Variants in SAMD8 observed in about 807,000 individuals in gnomAD.
SAMD8 encodes sphingomyelin synthase-related protein 1.
Under a neutral mutation model 42.0 loss-of-function variants are expected in SAMD8, and 20 were observed. The observed-to-expected ratio is 0.48, with a 90% CI of 0.34 to 0.69. The LOEUF (loss-of-function observed/expected upper bound fraction) is 0.69. SAMD8 is among the 30% of genes least tolerant of loss of function. SAMD8 has a pLI of 0.01. For missense variants in SAMD8, 328 were observed against 511.6 expected (o/e 0.64, Z 3.46); for synonymous variants, 162 against 173.0 (o/e 0.94, Z 0.50).
At chr10:75,134,451 A>G (rs554035068) in intron 1 of SAMD8, among the ~76,000 whole-genome samples, 1 of 152,228 alleles carries the variant, frequency 6.6e-6, no homozygotes, top group South Asian at 2.1e-4. Context: ...CCTGGCCAAC[A>G]TGGTAAAACC....
intron 1 of SAMD8, among the ~76,000 whole-genome samples, chr10:75,136,223 T>G (rs1367250901): frequency 6.6e-6 from 1 of 152,210 alleles, no homozygotes; most frequent in Non-Finnish European, 1.5e-5. Context: ...AGCTTTTGTT[T>G]TGTGTAAGTT....
At chr10:75,162,033 G>A (rs893698580) in intron 2 of SAMD8, among the ~76,000 whole-genome samples, 11 of 151,892 alleles carry the variant, frequency 7.2e-5, no homozygotes, top group Admixed American at 6.6e-4. Flanking sequence ...GCAACACTCC[G>A]TCTCAAAAAA....
chr10:75,151,263 T>G (rs1264048953), intron 2 of SAMD8, among the ~76,000 whole-genome samples, 157 bp downstream of exon 2: 1 of 152,212 alleles, frequency 6.6e-6, no homozygotes, highest in Admixed American at 6.5e-5. Context: ...ATTACCTTTT[T>G]CACTTAGAGT....
chr10:75,143,260 C>T (rs1307137735), intron 1 of SAMD8, among the ~76,000 whole-genome samples: 1 of 152,222 alleles, frequency 6.6e-6, no homozygotes, highest in East Asian at 1.9e-4. Flanking sequence ...GAGCCTAGGT[C>T]ATGCCACTGC....
At chr10:75,108,944 TA>T (rs1454506953), upstream of SAMD8, 3 of 1,535,472 alleles carry the variant, frequency 2.0e-6, no homozygotes, top group Admixed American at 5.7e-5. Context: ...CTGTGTCTGG[TA>T]AAGCGACCAA....
intron 4 of SAMD8, among the ~76,000 whole-genome samples, chr10:75,173,042 G>A (rs1361440043): frequency 2.0e-5 from 3 of 152,150 alleles, no homozygotes; most frequent in Admixed American, 1.3e-4. Flanking sequence ...AGGGATATCC[G>A]TGCATAGGGC....
At chr10:75,113,436 G>A (rs544769870) in intron 1 of SAMD8, among the ~76,000 whole-genome samples, 9 of 150,642 alleles carry the variant, frequency 6.0e-5, no homozygotes, top group Non-Finnish European at 1.3e-4. Context: ...CCAGGCTTAA[G>A]TGATCCTCCC....
intron 1 of SAMD8, among the ~76,000 whole-genome samples, chr10:75,114,207 C>T (rs1038203951): frequency 3.3e-5 from 5 of 151,864 alleles, no homozygotes; most frequent in African/African-American, 1.2e-4. Context: ...GGTGTGGTGG[C>T]TCACACCTGT....
chr10:75,142,469 G>T (rs1445415821), intron 1 of SAMD8, among the ~76,000 whole-genome samples: 1 of 151,866 alleles, frequency 6.6e-6, no homozygotes, highest in East Asian at 1.9e-4. Context: ...ACGAAGTCTT[G>T]TTCTGCCACC....
chr10:75,148,935 A>G (rs1168304853), intron 1 of SAMD8, among the ~76,000 whole-genome samples: 2 of 152,212 alleles, frequency 1.3e-5, no homozygotes, highest in Admixed American at 1.3e-4. Flanking sequence ...ATTTTCACAA[A>G]AGGAACAAAC....
chr10:75,138,319 A>G (rs1839937498), intron 1 of SAMD8, among the ~76,000 whole-genome samples: 1 of 152,210 alleles, frequency 6.6e-6, no homozygotes. Context: ...TAGTCAGGTC[A>G]CCATTTCCAG....
At chr10:75,161,298 A>G (rs2132190287) in intron 2 of SAMD8, among the ~76,000 whole-genome samples, 1 of 152,120 alleles carries the variant, frequency 6.6e-6, no homozygotes, top group East Asian at 1.9e-4. Flanking sequence ...CTCCCCTCCT[A>G]CCCAACCCCA....
intron 1 of SAMD8, among the ~76,000 whole-genome samples, chr10:75,114,321 G>A (rs1848830159): frequency 7.3e-6 from 1 of 136,834 alleles, no homozygotes; most frequent in African/African-American, 2.9e-5. Flanking sequence ...GGGCAACAGA[G>A]TGATATGTCT....
rs911233905 is a variant in SAMD8 at position 75,181,850 on chromosome 10, G to A, written c.*5158G>A. The A allele has an allele frequency of 2.0e-5, 3 of 152,156 alleles. No individual in the cohort carries two copies. The highest frequency in any genetic ancestry group is 1.3e-4 in the Admixed American group (2 of 15,266). The allele number at this position is 152,156 out of a possible 1,614,324, so 9.4% of individuals were successfully genotyped here. ...ACATGGAACAAAGAAAGTGGAAACT[G>A]GTACTTAATGGGGGAAGCAAAATTA... On this transcript the variant is annotated 3_prime_UTR_variant, in exon 6 of 6. Coordinates refer to ENST00000542569, the MANE Select transcript of SAMD8 (RefSeq NM_001174156.2).
At chr10:75,158,418 C>T (rs752829544) in intron 2 of SAMD8, among the ~76,000 whole-genome samples, 6 of 151,868 alleles carry the variant, frequency 4.0e-5, no homozygotes, top group Non-Finnish European at 7.4e-5. Flanking sequence ...ATGGCGAAAC[C>T]CTGTCTTTAC....
chr10:75,124,682 GCTCT>G (rs1213314948), intron 1 of SAMD8, among the ~76,000 whole-genome samples: 1 of 151,358 alleles, frequency 6.6e-6, no homozygotes, highest in Admixed American at 6.6e-5. Context: ...CTGAAGAGTA[GCTCT>G]CTCTTCTGTT....
chr10:75,109,251 C>G (rs1848706262), upstream of SAMD8: 2 of 1,410,688 alleles, frequency 1.4e-6, no homozygotes, highest in Admixed American at 2.7e-5. Context: ...GGACAGGTGA[C>G]AGAAGCAAGT....
Position 75,176,130 on chromosome 10 carries a change from C to G in SAMD8, c.857C>G (p.Thr286Ser). The G allele has an allele frequency of 6.2e-7, 1 of 1,614,144 alleles. No homozygotes were observed. Among genetic ancestry groups the G allele is most frequent in the Non-Finnish European group, 8.5e-7 (1 of 1,180,020 alleles). The change falls in exon 5 of 6, where the codon ACC (threonine) becomes AGC (serine). Residue 286 changes from threonine to serine, a missense_variant. By Grantham distance (58) the Thr-to-Ser change is moderately conservative. This residue lies in a region of SAMD8 where 178 missense variants were observed against 325.6 expected (regional missense o/e 0.55). Coordinates refer to ENST00000542569, the MANE Select transcript of SAMD8 (RefSeq NM_001174156.2). This position sits in a 1 kb window ranked among gnomAD's most constrained non-coding sequence, Gnocchi z 4.3. ...GCCATTTGGAGTGGCTTTGGTATGA[C>G]CCTGACTGGCGTTCACACATGTGGA... ...AFAIWSGFGM[T>S]LTGVHTCGDY...
intron 2 of SAMD8, among the ~76,000 whole-genome samples, chr10:75,157,496 G>GGTT (rs1039346205): frequency 2.6e-5 from 4 of 152,194 alleles, no homozygotes; most frequent in Non-Finnish European, 4.4e-5. Context: ...AATAGGTGGA[G>GGTT]GTTGCCATAT....
Sources: allele counts gnomAD v4.1 joint callset (sites outside exome capture counted in the v4.1 genomes callset), GRCh38; gene constraint gnomAD v4.1.1; regional missense constraint gnomAD v4.1.1; non-coding constraint Gnocchi (gnomAD v3.1); transcripts MANE v1.5; gene names NCBI Gene and HGNC (gene_info 2026-07-23, HGNC 2026-07-21).